The following CD226 variants were observed in gnomAD, a reference collection of about 807,000 sequenced individuals.
CD226 encodes CD226 molecule, also known as CD226 antigen.
Under a neutral mutation model 34.9 loss-of-function variants are expected in CD226, and 24 were observed. The observed-to-expected ratio is 0.69, with a 90% CI of 0.50 to 0.97. The LOEUF (loss-of-function observed/expected upper bound fraction) is 0.97. Ranked by LOEUF, CD226 falls within the 50% of genes least tolerant of loss-of-function variation. The pLI, the probability that CD226 is intolerant of heterozygous loss-of-function variation, is 0.00. For synonymous variants in CD226, 148 were observed against 147.4 expected, an observed-to-expected ratio of 1.00 and a Z score of -0.03; for missense variants, 397 against 412.7, an observed-to-expected ratio of 0.96 and a Z score of 0.33.
chr18:69,869,803 T>TC (rs1568157298), intron 4 of CD226, among the ~76,000 whole-genome samples: 4 of 140,874 alleles, frequency 2.8e-5, no homozygotes, highest in African/African-American at 1.1e-4. Context: ...TTTTTTCTTT[T>TC]TTTTTTTTTT....
At chr18:69,914,367 A>G (rs563680908) in intron 2 of CD226, among the ~76,000 whole-genome samples, 2 of 152,344 alleles carry the variant, frequency 1.3e-5, no homozygotes, top group African/African-American at 4.8e-5. Flanking sequence ...AGAAACTCAC[A>G]GTGAACACCA....
intron 3 of CD226, among the ~76,000 whole-genome samples, chr18:69,892,341 C>T (rs1362183091): frequency 6.6e-6 from 1 of 152,114 alleles, no homozygotes; most frequent in African/African-American, 2.4e-5. Context: ...TTTAGTGGCA[C>T]CTAAAATACT....
At chr18:69,870,368 G>A (rs565458348) in intron 4 of CD226, among the ~76,000 whole-genome samples, 59 of 144,096 alleles carry the variant, frequency 4.1e-4, no homozygotes, top group Non-Finnish European at 5.4e-4. Flanking sequence ...TCCATCTCCC[G>A]GGTTCAAGTG....
At chr18:69,937,846 C>A (rs2055673876) in intron 2 of CD226, among the ~76,000 whole-genome samples, 1 of 152,206 alleles carries the variant, frequency 6.6e-6, no homozygotes, top group African/African-American at 2.4e-5. Flanking sequence ...TCCCTTTCAT[C>A]ATAGGATTCC....
At chr18:69,902,530 A>G (rs1003255002) in intron 2 of CD226, among the ~76,000 whole-genome samples, 1 of 149,412 alleles carries the variant, frequency 6.7e-6, no homozygotes, top group Non-Finnish European at 1.5e-5. Flanking sequence ...TCCCTCTGCT[A>G]TCTCCTTCAT....
rs1329910061 is a variant in CD226, at chr18:69,858,467, A to G, written c.*5847T>C. 1 of 152,038 alleles carries G rather than the reference A, an allele frequency of 6.6e-6. No individual in the cohort carries two copies. The highest frequency in any genetic ancestry group is 1.5e-5 in the Non-Finnish European group (1 of 68,026). The allele number at this position is 152,038 out of a possible 1,614,324, so 9.4% of individuals were successfully genotyped here. ...TGCCTTCCAGATATATTTAAGAGAC[A>G]CTGATTTTGGAATAAGTCAGTGAAT... On this transcript the variant is annotated 3_prime_UTR_variant, in exon 6 of 6. Transcript: ENST00000582621.
At chr18:69,902,932 C>T (rs1245114686) in intron 2 of CD226, among the ~76,000 whole-genome samples, 1 of 152,106 alleles carries the variant, frequency 6.6e-6, no homozygotes, top group African/African-American at 2.4e-5. Flanking sequence ...TCTACAAACT[C>T]TTACTAGTCA....
At chr18:69,880,962 T>C (rs1338819413) in intron 3 of CD226, among the ~76,000 whole-genome samples, 1 of 152,166 alleles carries the variant, frequency 6.6e-6, no homozygotes, top group Non-Finnish European at 1.5e-5. Flanking sequence ...AGTTTTAAGA[T>C]TTATCATACA....
intron 2 of CD226, among the ~76,000 whole-genome samples, chr18:69,929,464 C>A (rs544792217): frequency 2.6e-5 from 4 of 152,104 alleles, no homozygotes; most frequent in African/African-American, 9.7e-5. Context: ...ATTAATAATA[C>A]TATCTCCCTC....
At chr18:69,883,656 T>C (rs1984394583) in intron 3 of CD226, among the ~76,000 whole-genome samples, 1 of 152,234 alleles carries the variant, frequency 6.6e-6, no homozygotes, top group Non-Finnish European at 1.5e-5. Context: ...ACTTAGAAGA[T>C]GTATGTATAT....
At position 69,862,766 on chromosome 18, in the gene CD226, G is replaced by C. The variant is rs1423050823; in HGVS notation, c.*1548C>G. Reference sequence around the variant, plus strand: ...GCTTAAAAGTGTAAATTACATCTTAGAATCTGTCTAGGCAACAGGAGAATT... The same window carrying C: ...GCTTAAAAGTGTAAATTACATCTTACAATCTGTCTAGGCAACAGGAGAATT... On this transcript the variant is annotated 3_prime_UTR_variant, in exon 6 of 6. Transcript: ENST00000582621. The C allele has an allele frequency of 6.6e-6, 1 of 152,098 alleles. No homozygotes were observed. Among genetic ancestry groups the C allele is most frequent in the Admixed American group, 6.5e-5 (1 of 15,268 alleles). 9.4% of individuals were successfully genotyped at this position (152,098 alleles called of 1,614,324 possible). A position where few individuals can be genotyped will look rare whatever the true frequency, so the allele number is the denominator to read the frequency against.
rs921268988 is a variant in CD226 at position 69,861,546 on chromosome 18, ATATATATG to A, written c.*2760_*2767del. The A allele has an allele frequency of 2.7e-5, 2 of 73,180 alleles. No homozygotes were observed. The highest frequency in any genetic ancestry group is 9.4e-5 in the African/African-American group (2 of 21,174). The allele number at this position is 73,180 out of a possible 1,614,324, so 4.5% of individuals were successfully genotyped here. A position where few individuals can be genotyped will look rare whatever the true frequency, so the allele number is the denominator to read the frequency against. The stretch of plus-strand genomic sequence containing the variant: ...CCATCGATATAAATTATATGTGTAT[ATATATATG>A]TATATATATATATATATATGTAAAA... On this transcript the variant is annotated 3_prime_UTR_variant, in exon 6 of 6. Transcript: ENST00000582621.
chr18:69,887,538 T>A (rs906411698), intron 3 of CD226, among the ~76,000 whole-genome samples: 2 of 152,206 alleles, frequency 1.3e-5, no homozygotes, highest in African/African-American at 4.8e-5. Context: ...CAACTCAGCA[T>A]CTACTTTTTA....
chr18:69,861,554 G>GTGTATACATATATATATA lies in CD226; in HGVS notation c.*2759_*2760insTATATATATATGTATACA, dbSNP rs59216052. ...ATAAATTATATGTGTATATATATAT[G>GTGTATACATATATATATA]TATATATATATATATATATGTAAAA... On this transcript the variant is annotated 3_prime_UTR_variant, in exon 6 of 6. Coordinates refer to ENST00000582621, the MANE Select transcript of CD226 (RefSeq NM_001303618.2). 1.3e-4 allele frequency: 16 copies of GTGTATACATATATATATA among 127,950 alleles called. No homozygotes were observed. In the East Asian group the frequency reaches 3.8e-3, roughly 30 times the overall value. The allele number at this position is 127,950 out of a possible 1,614,324, so 7.9% of individuals were successfully genotyped here.
chr18:69,937,324 A>T (rs1014745808), intron 2 of CD226, among the ~76,000 whole-genome samples: 4 of 152,164 alleles, frequency 2.6e-5, no homozygotes, highest in Non-Finnish European at 4.4e-5. Flanking sequence ...TACTATCTAG[A>T]AAATAGCTGT....
Position 69,895,885 on chromosome 18 carries a change from C to G in CD226, c.543G>C (p.Leu181Phe). 1 of 1,614,122 alleles carries G rather than the reference C, an allele frequency of 6.2e-7. No homozygotes were observed. The highest frequency in any genetic ancestry group is 8.5e-7 in the Non-Finnish European group (1 of 1,180,018). ...RQIDLLTYCN[L>F]VHGRNFTSKF... ...TGGAGGTGAAATTTCTGCCATGGAC[C>G]AAGTTGCAGTAAGTTAAGAGGTCGA... Residue 181 changes from leucine to phenylalanine, a missense_variant, in exon 3 of 6, where the codon TTG becomes TTC. Transcript: ENST00000582621.
chr18:69,953,620 T>A (rs1171515642), intron 1 of CD226, among the ~76,000 whole-genome samples: 2 of 152,202 alleles, frequency 1.3e-5, no homozygotes, highest in Non-Finnish European at 2.9e-5. Context: ...TTCTTTAAAA[T>A]GATGAAAATG....
At chr18:69,919,344 T>C (rs76959484) in intron 2 of CD226, among the ~76,000 whole-genome samples, 1,939 of 152,054 alleles carry the variant, frequency 0.013, 34 homozygotes, top group African/African-American at 0.042. Context: ...TTTTCAAACA[T>C]AGGAAGGAAA....
At chr18:69,938,077 G>A (rs921462316) in intron 2 of CD226, among the ~76,000 whole-genome samples, 3 of 152,176 alleles carry the variant, frequency 2.0e-5, no homozygotes, top group Non-Finnish European at 2.9e-5. Context: ...GGGAGAGAAT[G>A]AGACTCTTAA....
Sources: gnomAD v4.1 joint callset for allele counts (sites outside exome capture counted in the v4.1 genomes callset) on GRCh38, gnomAD v4.1.1 for gene constraint, MANE v1.5 for transcripts, NCBI Gene and HGNC (gene_info 2026-07-23, HGNC 2026-07-21) for gene names.